SMC1A: variants seen among roughly 807,000 people sequenced by gnomAD.
SMC1A encodes the protein structural maintenance of chromosomes protein 1A.
A neutral mutation model predicts 94.5 loss-of-function variants in SMC1A; 4 were observed. That is an observed-to-expected ratio of 0.04 (90% CI 0.02 to 0.10). SMC1A has a LOEUF of 0.10. SMC1A is among the 10% of genes least tolerant of loss of function. SMC1A has a pLI of 1.00. For synonymous variants in SMC1A, 345 were observed against 347.7 expected (o/e 0.99, Z 0.09); for missense variants, 304 against 989.0 (o/e 0.31, Z 9.29).
intron 15 of SMC1A, 87 bp from the exon 16 acceptor site, chrX:53,399,817 G>A: frequency 1.0e-6 from 1 of 964,715 alleles, no homozygotes; most frequent in Non-Finnish European, 1.4e-6. Context: ...GGAAGAAAGG[G>A]AAACTAGACC....
At chrX:53,413,201 C>A in intron 4 of SMC1A, 31 bp downstream of exon 4, 3 of 1,211,941 alleles carry the variant, frequency 2.5e-6, no homozygotes, top group Non-Finnish European at 3.3e-6. Flanking sequence ...ATCCTGGTCC[C>A]TCAGAGCCAA....
intron 10 of SMC1A, 40 bp downstream of exon 10, chrX:53,405,731 C>G: frequency 8.3e-7 from 1 of 1,207,098 alleles, no homozygotes; most frequent in Non-Finnish European, 1.1e-6. Flanking sequence ...GAGGAGGGGC[C>G]CTTGAACACT....
chrX:53,397,666 G>C (rs1453156832), intron 16 of SMC1A, among the ~76,000 whole-genome samples: 2 of 111,722 alleles, frequency 1.8e-5, no homozygotes, highest in African/African-American at 6.5e-5. Flanking sequence ...CATATATATA[G>C]AGAGAGAATG....
chrX:53,408,840 T>TAAAAAAAAAAAA (rs1295569888), intron 9 of SMC1A, among the ~76,000 whole-genome samples: 1 of 67,064 alleles, frequency 1.5e-5, no homozygotes, highest in Non-Finnish European at 2.8e-5. Flanking sequence ...GGTTGAAAAA[T>TAAAAAAAAAAAA]AAAAAAAAAA....
chrX:53,400,046 A>C (rs2075665546), intron 15 of SMC1A, among the ~76,000 whole-genome samples: 1 of 111,964 alleles, frequency 8.9e-6, no homozygotes, highest in South Asian at 3.7e-4. Flanking sequence ...GGCATAAAAG[A>C]GTCCATCTGA....
rs2075687773 is a variant in SMC1A, at chrX:53,405,486, T to C, written c.1911+7A>G. 8.3e-7 allele frequency: 1 copy of C among 1,210,572 alleles called. No individual in the cohort carries two copies. Among genetic ancestry groups the C allele is most frequent in the Non-Finnish European group, 1.1e-6 (1 of 895,307 alleles). On this transcript the variant is annotated splice_region_variant and intron_variant, in intron 11 of 24. Coordinates refer to ENST00000322213, the MANE Select transcript of SMC1A (RefSeq NM_006306.4). ...TCCAGCTCCAGCCTGGGCAAGGGAA[T>C]CCACACCTTGTGGCGCTGGTGGCCT...
chrX:53,388,658 A>C (rs1467620649), intron 19 of SMC1A, among the ~76,000 whole-genome samples: 1 of 109,818 alleles, frequency 9.1e-6, no homozygotes, highest in Non-Finnish European at 1.9e-5. Context: ...TAGTATTAAA[A>C]TTAATTTCAC....
At chrX:53,408,920 G>A in intron 9 of SMC1A, 142 bp downstream of exon 9, 3 of 529,530 alleles carry the variant, frequency 5.7e-6, no homozygotes, top group Non-Finnish European at 9.6e-6. Flanking sequence ...TCTTAGAAGC[G>A]GTGCTTTTTT....
At position 53,412,247 on chromosome X, in the gene SMC1A, C is replaced by T. The variant is rs782543093; in HGVS notation, c.861G>A (p.Lys287=). 232 of 1,209,428 alleles carry T rather than the reference C, an allele frequency of 1.9e-4. No homozygotes were observed. The highest frequency in any genetic ancestry group is 2.5e-4 in the Non-Finnish European group (220 of 894,939). Residue 287 remains lysine, a synonymous_variant, in exon 6 of 25, where the codon AAG becomes AAA. Coordinates refer to ENST00000322213, the MANE Select transcript of SMC1A (RefSeq NM_006306.4). ...GCCGCTTCTGGTTCAATTCTGAGTC[C>T]TTCTCCCTTTTGCCAGAGGGGTGGG... ...QQQIEKEIKE[K]DSELNQKRPQ...
At chrX:53,403,927 C>G in intron 13 of SMC1A, 34 bp from the exon 14 acceptor site, 1 of 1,031,564 alleles carries the variant, frequency 9.7e-7, no homozygotes, top group Non-Finnish European at 1.4e-6. Context: ...CAAAGCAGAC[C>G]AGGCTCCTTG....
chrX:53,412,722 TTAAA>T (rs1351917492), intron 5 of SMC1A, among the ~76,000 whole-genome samples, 174 bp downstream of exon 5: 1 of 112,306 alleles, frequency 8.9e-6, no homozygotes, highest in Non-Finnish European at 1.9e-5. Context: ...GCCTGAGTGC[TTAAA>T]TATTCTATTT....
At chrX:53,386,282 G>T (rs1413526168) in intron 19 of SMC1A, among the ~76,000 whole-genome samples, 1 of 110,636 alleles carries the variant, frequency 9.0e-6, no homozygotes, top group Non-Finnish European at 1.9e-5. Flanking sequence ...ATGAATAAAA[G>T]GTAAAGGGAT....
rs1026596338 is a variant in SMC1A, at chrX:53,374,709, T to C, written c.*5394A>G. 8.9e-6 allele frequency: 1 copy of C among 112,551 alleles called. No homozygotes were observed. The highest frequency in any genetic ancestry group is 3.2e-5 in the African/African-American group (1 of 30,852). The allele number at this position is 112,551 out of a possible 1,213,427, so 9.3% of individuals were successfully genotyped here. ...TTGCTTCATGGCTTCTAGCCCATTGTTGCCTTGCTGCTTCATGGCTTCTGC... is the reference window on the plus strand; with the variant it reads ...TTGCTTCATGGCTTCTAGCCCATTGCTGCCTTGCTGCTTCATGGCTTCTGC... On this transcript the variant is annotated 3_prime_UTR_variant, in exon 25 of 25. Coordinates refer to ENST00000322213, the MANE Select transcript of SMC1A (RefSeq NM_006306.4).
chrX:53,390,140 G>A (rs1217117572), intron 19 of SMC1A, among the ~76,000 whole-genome samples: 5 of 102,248 alleles, frequency 4.9e-5, no homozygotes, highest in African/African-American at 1.1e-4. Context: ...CACCGCACCC[G>A]GCCCAGAATT....
At chrX:53,385,552 G>C (rs1248612017) in intron 19 of SMC1A, among the ~76,000 whole-genome samples, 1 of 110,139 alleles carries the variant, frequency 9.1e-6, no homozygotes, top group African/African-American at 3.3e-5. Context: ...TGGGATTACA[G>C]GTGTGAGCCA....
At chrX:53,380,559 T>G (rs1459332895) in intron 24 of SMC1A, 61 bp downstream of exon 24, 1 of 789,509 alleles carries the variant, frequency 1.3e-6, no homozygotes, top group Non-Finnish European at 1.9e-6. Context: ...GCAGCCTTCC[T>G]TTCCTGCCCT....
intron 9 of SMC1A, 132 bp downstream of exon 9, chrX:53,408,930 T>A (rs1886291737): frequency 1.7e-6 from 1 of 595,985 alleles, no homozygotes; most frequent in Non-Finnish European, 2.7e-6. Flanking sequence ...GGTGCTTTTT[T>A]AAACCTCTCC....
intron 1 of SMC1A, among the ~76,000 whole-genome samples, chrX:53,416,564 G>A (rs2075733195): frequency 9.3e-6 from 1 of 108,019 alleles, no homozygotes; most frequent in African/African-American, 3.4e-5. Context: ...CTAACTTTCT[G>A]TATTTTTAGT....
At chrX:53,416,018 T>G (rs782073685) in intron 1 of SMC1A, among the ~76,000 whole-genome samples, 1 of 110,691 alleles carries the variant, frequency 9.0e-6, no homozygotes, top group East Asian at 2.9e-4. Context: ...TAATATAAAG[T>G]GGGCCGGGCA....
Sources: allele counts gnomAD v4.1 joint callset (sites outside exome capture counted in the v4.1 genomes callset), GRCh38; gene constraint gnomAD v4.1.1; transcripts MANE v1.5; gene names NCBI Gene and HGNC (gene_info 2026-07-23, HGNC 2026-07-21).